LRP5: variants seen among roughly 807,000 people sequenced by gnomAD.
LRP5 encodes LDL receptor related protein 5, also known as low-density lipoprotein receptor-related protein 5.
Under a neutral mutation model 154.1 loss-of-function variants are expected in LRP5, and 62 were observed. The observed-to-expected ratio is 0.40, with a 90% CI of 0.33 to 0.50. LRP5 has a LOEUF of 0.50. Ranked by LOEUF, LRP5 falls within the 20% of genes least tolerant of loss-of-function variation. The pLI is 0.55. For missense variants in LRP5, 1,915 were observed against 2,336.7 expected, an observed-to-expected ratio of 0.82 and a Z score of 3.72; for synonymous variants, 966 against 1,011.5, an observed-to-expected ratio of 0.96 and a Z score of 0.85.
intron 13 of LRP5, among the ~76,000 whole-genome samples, chr11:68,419,733 G>A (rs896422380): frequency 7.3e-5 from 11 of 151,666 alleles, no homozygotes; most frequent in African/African-American, 2.4e-4. Flanking sequence ...TAGCAGAGAC[G>A]GGGTTTCACC....
chr11:68,369,267 C>G (rs2098632795), intron 5 of LRP5, among the ~76,000 whole-genome samples: 2 of 152,186 alleles, frequency 1.3e-5, no homozygotes, highest in South Asian at 2.1e-4. Context: ...CAGGTGAGAG[C>G]TGGCTTGGGG....
At chr11:68,339,799 G>A (rs562002454) in intron 1 of LRP5, among the ~76,000 whole-genome samples, 6 of 152,304 alleles carry the variant, frequency 3.9e-5, no homozygotes, top group African/African-American at 1.4e-4. Flanking sequence ...TAACATGCGT[G>A]TACCTGTATG....
the LRP5 span, among the ~76,000 whole-genome samples, chr11:68,300,167 C>A: frequency 3.4e-5 from 5 of 149,202 alleles, no homozygotes; most frequent in African/African-American, 1.2e-4. Flanking sequence ...CCCCAAAGTA[C>A]AGGCATGAGC....
chr11:68,445,785 G>C (rs748144085), intron 21 of LRP5: 2 of 678,300 alleles, frequency 2.9e-6, no homozygotes, highest in African/African-American at 3.7e-5. Flanking sequence ...GCACGTTCAC[G>C]TGGTGAATTT....
At chr11:68,381,004 T>A (rs528291023) in intron 5 of LRP5, among the ~76,000 whole-genome samples, 24 of 152,290 alleles carry the variant, frequency 1.6e-4, no homozygotes, top group Admixed American at 1.4e-3. Flanking sequence ...CAAGCGAGGA[T>A]GAGGTCACCC....
chr11:68,378,595 C>T (rs1178123765), intron 5 of LRP5, among the ~76,000 whole-genome samples: 1 of 151,902 alleles, frequency 6.6e-6, no homozygotes, highest in South Asian at 2.1e-4. Context: ...GCTTTTTTTT[C>T]CTCTTATAAA....
chr11:68,307,711 G>T (rs1174839652), upstream of LRP5, among the ~76,000 whole-genome samples: 1 of 152,126 alleles, frequency 6.6e-6, no homozygotes, highest in Non-Finnish European at 1.5e-5. Flanking sequence ...CCAGCTACTT[G>T]GGAGGCTGTG....
chr11:68,304,587 C>A, the LRP5 span, among the ~76,000 whole-genome samples: 2 of 152,278 alleles, frequency 1.3e-5, no homozygotes, highest in Non-Finnish European at 2.9e-5. Flanking sequence ...TTGCACCCTG[C>A]ACCTGGAAAA....
intron 5 of LRP5, among the ~76,000 whole-genome samples, chr11:68,368,409 A>G (rs1482382018): frequency 4.6e-5 from 7 of 152,228 alleles, no homozygotes; most frequent in Admixed American, 1.3e-4. Flanking sequence ...GCGAGAAGGA[A>G]CAGCACGTGC....
chr11:68,438,432 T>C lies in LRP5; in HGVS notation c.4112-14T>C, dbSNP rs200717286. The C allele has an allele frequency of 1.3e-4, 203 of 1,612,484 alleles. 1 individual carries two copies. In the African/African-American group the frequency reaches 2.3e-3, roughly 18 times the overall value. ...GGTTAATGTTGGCCACCTCTTTCTG[T>C]TTGTCTCTGGCAGAAATCACCAAGC... On this transcript the variant is annotated splice_polypyrimidine_tract_variant and intron_variant, in intron 19 of 22. Coordinates refer to ENST00000294304, the MANE Select transcript of LRP5 (RefSeq NM_002335.4).
At chr11:68,302,858 G>C in the LRP5 span, among the ~76,000 whole-genome samples, 1 of 152,188 alleles carries the variant, frequency 6.6e-6, no homozygotes, top group Non-Finnish European at 1.5e-5. Flanking sequence ...GTGTGTTCCC[G>C]GGGACCAGAT....
At chr11:68,370,004 G>A (rs1324800082) in intron 5 of LRP5, among the ~76,000 whole-genome samples, 1 of 152,158 alleles carries the variant, frequency 6.6e-6, no homozygotes, top group Admixed American at 6.5e-5. Flanking sequence ...TGCTGTGGCT[G>A]GTGCCAGGCC....
At chr11:68,314,895 C>T (rs1191267302) in intron 1 of LRP5, among the ~76,000 whole-genome samples, 1 of 152,236 alleles carries the variant, frequency 6.6e-6, no homozygotes, top group South Asian at 2.1e-4. Flanking sequence ...CCGGTGAACC[C>T]GATCCAGCAT....
At chr11:68,396,732 G>GA (rs397816332) in intron 7 of LRP5, among the ~76,000 whole-genome samples, 2 of 151,782 alleles carry the variant, frequency 1.3e-5, no homozygotes, top group Non-Finnish European at 2.9e-5. Flanking sequence ...CACACACAGG[G>GA]TTTTAGCCCC....
At chr11:68,313,140 C>G (rs2098589912) in intron 1 of LRP5, among the ~76,000 whole-genome samples, 1 of 150,230 alleles carries the variant, frequency 6.7e-6, no homozygotes. Context: ...CCCGTGTGGC[C>G]CGGGCCGGGC....
chr11:68,304,197 C>G, the LRP5 span, among the ~76,000 whole-genome samples: 3 of 152,244 alleles, frequency 2.0e-5, no homozygotes, highest in African/African-American at 7.2e-5. Context: ...CTGCTCTGCA[C>G]AGCCTCAGGA....
At chr11:68,396,365 G>A (rs1361590491) in intron 7 of LRP5, among the ~76,000 whole-genome samples, 1 of 152,192 alleles carries the variant, frequency 6.6e-6, no homozygotes, top group Non-Finnish European at 1.5e-5. Flanking sequence ...TGGGAGAGAG[G>A]ATTCCGTTCC....
chr11:68,403,799 C>A, intron 8 of LRP5, 100 bp downstream of exon 8: 2 of 1,430,964 alleles, frequency 1.4e-6, no homozygotes, highest in Non-Finnish European at 1.9e-6. Context: ...GCTCAGGTGC[C>A]CCGACCTGGG....
intron 5 of LRP5, among the ~76,000 whole-genome samples, chr11:68,381,964 G>A (rs1180426678): frequency 1.3e-5 from 2 of 152,350 alleles, no homozygotes; most frequent in East Asian, 1.9e-4. Context: ...GCTGCTCCCT[G>A]CTGGCCTGGC....
Sources: allele counts gnomAD v4.1 joint callset (sites outside exome capture counted in the v4.1 genomes callset), GRCh38; gene constraint gnomAD v4.1.1; transcripts MANE v1.5; gene names NCBI Gene and HGNC (gene_info 2026-07-23, HGNC 2026-07-21).